MAN1A2: variants seen among roughly 807,000 people sequenced by gnomAD.
The protein encoded by MAN1A2 is mannosyl-oligosaccharide 1,2-alpha-mannosidase IB.
Under a neutral mutation model 75.7 loss-of-function variants are expected in MAN1A2, and 26 were observed. The ratio of observed to expected loss-of-function variants is 0.34; its 90% confidence interval spans 0.25 to 0.48. The LOEUF (loss-of-function observed/expected upper bound fraction) is 0.48, where lower values mean the gene tolerates loss of function less well. Among genes scored for constraint, MAN1A2 ranks in the 20% least tolerant of loss-of-function variants. The pLI is 0.99. For missense variants in MAN1A2, 562 were observed against 775.5 expected, an observed-to-expected ratio of 0.72 and a Z score of 3.27; for synonymous variants, 247 against 264.6, an observed-to-expected ratio of 0.93 and a Z score of 0.65.
At chr1:117,508,132 C>T (rs746524362) in intron 12 of MAN1A2, among the ~76,000 whole-genome samples, 11 of 151,704 alleles carry the variant, frequency 7.3e-5, no homozygotes, top group Non-Finnish European at 1.6e-4. Context: ...TGTCTACACC[C>T]ATTCACCTAG....
intron 1 of MAN1A2, among the ~76,000 whole-genome samples, chr1:117,371,525 A>T (rs4659325): frequency 0.14 from 21,493 of 152,024 alleles, 1,734 homozygotes; most frequent in South Asian, 0.22. Context: ...AGAAACGTAG[A>T]ATGAGTAGGA....
intron 1 of MAN1A2, among the ~76,000 whole-genome samples, chr1:117,397,575 A>C (rs1025036324): frequency 6.6e-6 from 1 of 151,720 alleles, no homozygotes; most frequent in Non-Finnish European, 1.5e-5. Flanking sequence ...ATTAATTTTA[A>C]TATGGATTTT....
chr1:117,386,994 G>A (rs747692568), intron 1 of MAN1A2, among the ~76,000 whole-genome samples: 7 of 151,774 alleles, frequency 4.6e-5, no homozygotes, highest in Admixed American at 3.3e-4. Context: ...TATCTGATAA[G>A]GCATTAATAT....
intron 5 of MAN1A2, among the ~76,000 whole-genome samples, chr1:117,433,158 G>A (rs569213564): frequency 3.9e-5 from 6 of 152,030 alleles, no homozygotes; most frequent in East Asian, 3.9e-4. Flanking sequence ...CTAGTACAGC[G>A]TGATAATTCC....
At chr1:117,446,578 A>G (rs1368603660) in intron 6 of MAN1A2, among the ~76,000 whole-genome samples, 1 of 152,110 alleles carries the variant, frequency 6.6e-6, no homozygotes, top group African/African-American at 2.4e-5. Flanking sequence ...TTCAATTGCC[A>G]AATTTTAGGA....
chr1:117,494,634 T>C (rs1650984300), intron 9 of MAN1A2: 1 of 152,080 alleles, frequency 6.6e-6, no homozygotes, highest in Non-Finnish European at 1.5e-5. Flanking sequence ...CAAGTGTTTA[T>C]TGAGATATTG....
intron 1 of MAN1A2, among the ~76,000 whole-genome samples, chr1:117,375,607 G>C (rs1485173914): frequency 6.6e-6 from 1 of 152,188 alleles, no homozygotes; most frequent in African/African-American, 2.4e-5. Context: ...TGTTCAGCAA[G>C]TGTTTTGAGT....
At chr1:117,473,605 C>T (rs751081467) in intron 8 of MAN1A2, among the ~76,000 whole-genome samples, 1 of 151,978 alleles carries the variant, frequency 6.6e-6, no homozygotes, top group Non-Finnish European at 1.5e-5. Flanking sequence ...GGCCTTCTGT[C>T]ACTTGTTGAA....
At chr1:117,490,031 G>A (rs1194324896) in intron 8 of MAN1A2, among the ~76,000 whole-genome samples, 3 of 151,830 alleles carry the variant, frequency 2.0e-5, no homozygotes, top group Admixed American at 2.0e-4. Flanking sequence ...GGATAAAGGA[G>A]TGTGGTTGCC....
At chr1:117,403,781 G>A (rs959128024) in intron 2 of MAN1A2, among the ~76,000 whole-genome samples, 1 of 152,046 alleles carries the variant, frequency 6.6e-6, no homozygotes, top group South Asian at 2.1e-4. Context: ...TCGTACTGCA[G>A]TGGCTAGGAG....
At chr1:117,435,216 A>G (rs1648811448) in intron 5 of MAN1A2, among the ~76,000 whole-genome samples, 1 of 152,156 alleles carries the variant, frequency 6.6e-6, no homozygotes, top group African/African-American at 2.4e-5. Context: ...GATAATTGAA[A>G]TCAAGCACAT....
intron 4 of MAN1A2, among the ~76,000 whole-genome samples, chr1:117,415,738 G>C (rs1328748848): frequency 6.6e-6 from 1 of 152,046 alleles, no homozygotes; most frequent in Admixed American, 6.6e-5. Flanking sequence ...GATCATCAAG[G>C]ATCTAGGATC....
rs867133514 is a variant in MAN1A2 at position 117,428,790 on chromosome 1, T to C, written c.855+8141T>C. Among the ~76,000 whole-genome samples the C allele has an allele frequency of 2.0e-4, 22 of 112,700 alleles. No individual in the cohort carries two copies. In the Middle Eastern group the frequency reaches 0.02, roughly 105 times the overall value. 73.9% of individuals were successfully genotyped at this position (112,700 alleles called of 152,430 possible). ...GAGACAAGAGGAGACCTTTCTTTTT[T>C]TTTTTTTTTTTTTTTTTAAATTTAT... On this transcript the variant is annotated intron_variant, in intron 5 of 12. Coordinates refer to ENST00000356554, the MANE Select transcript of MAN1A2 (RefSeq NM_006699.5).
At position 117,392,019 on chromosome 1, in the gene MAN1A2, G is replaced by A. The variant is rs920402820; in HGVS notation, c.303-10167G>A. 2.0e-5 allele frequency among the ~76,000 whole-genome samples: 3 copies of A among 151,782 alleles called. No homozygotes were observed. The East Asian group carries it at 5.8e-4, about 29-fold the overall frequency. ...ATTAGGCCCTTGTCATTTTTTGCCT[G>A]GGAGGACTGCTGTGACTTCCTGACT... On this transcript the variant is annotated intron_variant, in intron 1 of 12. Coordinates refer to ENST00000356554, the MANE Select transcript of MAN1A2 (RefSeq NM_006699.5).
intron 1 of MAN1A2, among the ~76,000 whole-genome samples, chr1:117,398,914 C>T (rs1055122647): frequency 6.6e-6 from 1 of 152,040 alleles, no homozygotes; most frequent in African/African-American, 2.4e-5. Context: ...TGGAGAATAG[C>T]TTGTGGGTGG....
At chr1:117,413,634 G>C (rs1373320016) in intron 3 of MAN1A2, among the ~76,000 whole-genome samples, 1 of 151,740 alleles carries the variant, frequency 6.6e-6, no homozygotes, top group Non-Finnish European at 1.5e-5. Flanking sequence ...CTTTAAAGAA[G>C]TTCCTGGAAT....
intron 12 of MAN1A2, among the ~76,000 whole-genome samples, chr1:117,512,249 G>GGA (rs1466062433): frequency 3.9e-5 from 6 of 151,984 alleles, no homozygotes; most frequent in African/African-American, 1.5e-4. Context: ...GAGAGTCAAA[G>GGA]GTCCAGATGC....
At chr1:117,388,712 T>C (rs1455127586) in intron 1 of MAN1A2, among the ~76,000 whole-genome samples, 2 of 152,008 alleles carry the variant, frequency 1.3e-5, no homozygotes, top group Non-Finnish European at 2.9e-5. Flanking sequence ...GGATTACAAT[T>C]CAACATGAGA....
At chr1:117,512,750 TACACACACACACACAC>T (rs3050979) in intron 12 of MAN1A2, among the ~76,000 whole-genome samples, 1 of 143,766 alleles carries the variant, frequency 7.0e-6, no homozygotes, top group African/African-American at 2.6e-5. Context: ...GGCACTGGGA[TACACACACACACACAC>T]ACACACACAC....
Sources: allele counts gnomAD v4.1 joint callset (sites outside exome capture counted in the v4.1 genomes callset), GRCh38; gene constraint gnomAD v4.1.1; transcripts MANE v1.5; gene names NCBI Gene and HGNC (gene_info 2026-07-23, HGNC 2026-07-21).